Variants in TTC39C observed in about 807,000 individuals in gnomAD.
TTC39C encodes tetratricopeptide repeat protein 39C.
Under a neutral mutation model 76.3 loss-of-function variants are expected in TTC39C, and 33 were observed. The observed-to-expected ratio is 0.43, with a 90% CI of 0.33 to 0.58. TTC39C has a LOEUF of 0.58. TTC39C is among the 20% of genes least tolerant of loss of function. TTC39C has a pLI of 0.04. For missense variants in TTC39C, 595 were observed against 701.4 expected (o/e 0.85, Z 1.71); for synonymous variants, 254 against 260.6 (o/e 0.97, Z 0.24).
chr18:24,031,089 G>A (rs370351397), intron 1 of TTC39C, among the ~76,000 whole-genome samples: 13 of 151,420 alleles, frequency 8.6e-5, no homozygotes, highest in African/African-American at 3.2e-4. Context: ...TGGGACTACA[G>A]GCATATGCCA....
At chr18:24,071,665 G>A (rs1470972041) in intron 4 of TTC39C, among the ~76,000 whole-genome samples, 9 of 152,132 alleles carry the variant, frequency 5.9e-5, no homozygotes, top group Non-Finnish European at 1.0e-4. Flanking sequence ...ATATGGGTAT[G>A]CCCTAATGTA....
intron 4 of TTC39C, among the ~76,000 whole-genome samples, chr18:24,077,642 A>G (rs547692203): frequency 1.3e-5 from 2 of 152,374 alleles, no homozygotes; most frequent in South Asian, 2.1e-4. Context: ...TGCCAGGCAC[A>G]TAATAGAAAC....
intron 6 of TTC39C, among the ~76,000 whole-genome samples, chr18:24,107,260 ATC>A (rs2084755572): frequency 6.7e-6 from 1 of 149,950 alleles, no homozygotes; most frequent in Non-Finnish European, 1.5e-5. Flanking sequence ...AATATTAGAT[ATC>A]TCTTAGGCCT....
At chr18:24,018,433 G>A (rs947982261) in intron 1 of TTC39C, among the ~76,000 whole-genome samples, 2 of 152,098 alleles carry the variant, frequency 1.3e-5, no homozygotes, top group East Asian at 1.9e-4. Context: ...CATATGTGAC[G>A]TGCACTCAGA....
rs1293255386 is a variant in TTC39C, at chr18:24,133,410, C to T, written c.*836C>T. 3.9e-5 allele frequency: 6 copies of T among 152,206 alleles called. No individual in the cohort carries two copies. The highest frequency in any genetic ancestry group is 7.3e-5 in the Non-Finnish European group (5 of 68,040). The allele number at this position is 152,206 out of a possible 1,614,324, so 9.4% of individuals were successfully genotyped here. On this transcript the variant is annotated 3_prime_UTR_variant, in exon 14 of 14. Coordinates refer to ENST00000317571, the MANE Select transcript of TTC39C (RefSeq NM_001135993.2). ...GATAATTTTACAACTAAAAGTGTGA[C>T]TCTTTTGCTAATCTATTAGCCTAGT...
intron 1 of TTC39C, among the ~76,000 whole-genome samples, chr18:24,027,521 A>G (rs142562433): frequency 1.0e-3 from 157 of 150,350 alleles, no homozygotes; most frequent in Non-Finnish European, 1.8e-3. Flanking sequence ...ATAAAGTAGC[A>G]TGTTGGAATT....
chr18:24,019,062 T>G (rs1385080375), intron 1 of TTC39C, among the ~76,000 whole-genome samples: 2 of 152,074 alleles, frequency 1.3e-5, no homozygotes, highest in African/African-American at 2.4e-5. Context: ...GTCACCACCT[T>G]TTTTCTCTTT....
intron 1 of TTC39C, among the ~76,000 whole-genome samples, chr18:23,994,890 C>G (rs1167176060): frequency 6.6e-6 from 1 of 151,484 alleles, no homozygotes; most frequent in Non-Finnish European, 1.5e-5. Flanking sequence ...ACATCAGGAT[C>G]TTTTCCTTTT....
In TTC39C at chr18:24,015,026, T is replaced by G; in HGVS notation, c.155T>G (p.Phe52Cys). ...GGCTTCAGGGAGTCGGACCAGCTTT[T>G]CAAACAATACAGGTGACCCACGCGT... ...NNGFRESDQL[F>C]KQYRNHSPLM... Residue 52 changes from phenylalanine to cysteine, a missense_variant, in exon 1 of 14, where the codon TTC becomes TGC. By Grantham distance (205) the Phe-to-Cys change is radical. Transcript: ENST00000317571. 1 of 1,480,386 alleles carries G rather than the reference T, an allele frequency of 6.8e-7. No homozygotes were observed. The highest frequency in any genetic ancestry group is 9.0e-7 in the Non-Finnish European group (1 of 1,112,362). 91.7% of individuals were successfully genotyped at this position (1,480,386 alleles called of 1,614,324 possible).
chr18:24,126,318 T>G (rs2085050814), intron 10 of TTC39C, among the ~76,000 whole-genome samples: 1 of 152,156 alleles, frequency 6.6e-6, no homozygotes, highest in Admixed American at 6.5e-5. Flanking sequence ...TAGAAAATTT[T>G]TCAGATTTTT....
chr18:24,071,643 TGTTA>T (rs1436669625), intron 4 of TTC39C, among the ~76,000 whole-genome samples: 1 of 152,238 alleles, frequency 6.6e-6, no homozygotes, highest in African/African-American at 2.4e-5. Flanking sequence ...AATAATAGTG[TGTTA>T]GTTTATCATA....
At chr18:24,062,576 G>A (rs2084113761) in intron 1 of TTC39C, among the ~76,000 whole-genome samples, 2 of 152,176 alleles carry the variant, frequency 1.3e-5, no homozygotes, top group Admixed American at 1.3e-4. Flanking sequence ...TCATGGGTGT[G>A]AGCACTGGTT....
At chr18:24,098,085 C>T (rs1477185393) in intron 6 of TTC39C, among the ~76,000 whole-genome samples, 2 of 151,680 alleles carry the variant, frequency 1.3e-5, no homozygotes, top group African/African-American at 2.4e-5. Context: ...ATTTTTTATC[C>T]ACTTGTTCTC....
chr18:24,061,239 TAAA>T (rs61658056), intron 1 of TTC39C, among the ~76,000 whole-genome samples: 2 of 150,280 alleles, frequency 1.3e-5, no homozygotes, highest in East Asian at 3.9e-4. Context: ...TTTTTTTTTT[TAAA>T]AAAATAGGTT....
At chr18:24,059,200 T>C (rs2084057453) in intron 1 of TTC39C, among the ~76,000 whole-genome samples, 3 of 152,222 alleles carry the variant, frequency 2.0e-5, no homozygotes, top group Admixed American at 6.5e-5. Context: ...CTTTTCCATA[T>C]AAATTTGTTT....
At chr18:24,125,319 G>A in intron 9 of TTC39C, 108 bp from the exon 10 acceptor site, 1 of 1,347,212 alleles carries the variant, frequency 7.4e-7, no homozygotes, top group Non-Finnish European at 1.0e-6. Context: ...TGAAGGAGAG[G>A]GTCATTCACA....
chr18:24,118,798 A>G (rs555580799), intron 8 of TTC39C, among the ~76,000 whole-genome samples: 28 of 152,056 alleles, frequency 1.8e-4, no homozygotes, highest in African/African-American at 6.5e-4. Flanking sequence ...GACTACAGGC[A>G]TGCCCTACCA....
intron 2 of TTC39C, 83 bp downstream of exon 2, chr18:24,064,271 A>C: frequency 6.7e-7 from 1 of 1,494,288 alleles, no homozygotes; most frequent in East Asian, 2.3e-5. Context: ...AGTTGTATAG[A>C]TACACTATTG....
At position 24,045,725 on chromosome 18, in the gene TTC39C, G is replaced by A. The variant is rs151242998; in HGVS notation, c.168-18415G>A. 1.3e-4 allele frequency among the ~76,000 whole-genome samples: 19 copies of A among 151,250 alleles called. No homozygotes were observed. In the East Asian group the frequency reaches 3.3e-3, roughly 26 times the overall value. On this transcript the variant is annotated intron_variant, in intron 1 of 13. Coordinates refer to ENST00000317571, the MANE Select transcript of TTC39C (RefSeq NM_001135993.2). ...GTGTTTTAAATTACTTCTTCTGTGT[G>A]CACATTTTAAAACTATGCCTTATGT...
Sources: gnomAD v4.1 joint callset for allele counts (sites outside exome capture counted in the v4.1 genomes callset) on GRCh38, gnomAD v4.1.1 for gene constraint, MANE v1.5 for transcripts, NCBI Gene and HGNC (gene_info 2026-07-23, HGNC 2026-07-21) for gene names.